BLTP1: variants seen among roughly 807,000 people sequenced by gnomAD.
BLTP1 encodes the protein bridge-like lipid transfer protein family member 1.
the BLTP1 span, chr4:122,256,959 T>A: frequency 6.0e-6 from 1 of 167,206 alleles, no homozygotes; most frequent in African/African-American, 2.4e-5. Flanking sequence ...TGAATGCTTC[T>A]TAAGGAAAAT....
the BLTP1 span, chr4:122,198,088 G>A: frequency 1.6e-4 from 154 of 985,296 alleles, 2 homozygotes; most frequent in South Asian, 6.1e-3. Flanking sequence ...TTTTGGTGCT[G>A]TAAGAGGAAA....
At chr4:122,209,626 C>T in the BLTP1 span, 1 of 415,800 alleles carries the variant, frequency 2.4e-6, no homozygotes, top group African/African-American at 2.2e-5. Flanking sequence ...GCTTGGGCAA[C>T]AGAGACCCCA....
chr4:122,325,378 A>G, the BLTP1 span: 1 of 1,535,574 alleles, frequency 6.5e-7, no homozygotes, highest in Admixed American at 2.0e-5. Flanking sequence ...TACAAATTAC[A>G]AAATTATGGT....
chr4:122,185,148 C>T, the BLTP1 span: 1 of 982,998 alleles, frequency 1.0e-6, no homozygotes, highest in Non-Finnish European at 1.2e-6. Context: ...TTATAAATTA[C>T]AGTAGATTAC....
chr4:122,182,700 A>G, the BLTP1 span: 2 of 985,144 alleles, frequency 2.0e-6, no homozygotes, highest in Non-Finnish European at 1.2e-6. Flanking sequence ...AATGTTCTGT[A>G]TCAAAGTTAG....
chr4:122,247,113 T>C, the BLTP1 span: 18 of 1,566,834 alleles, frequency 1.1e-5, no homozygotes, highest in Middle Eastern at 5.1e-4. Context: ...CTCTGAACTG[T>C]ATTATTTAAA....
At chr4:122,299,690 G>A in the BLTP1 span, 9 of 451,530 alleles carry the variant, frequency 2.0e-5, no homozygotes, top group Non-Finnish European at 2.6e-5. Flanking sequence ...ATGGGAAGAG[G>A]TAGTTGATAG....
the BLTP1 span, chr4:122,331,281 A>C: frequency 6.5e-7 from 1 of 1,549,934 alleles, no homozygotes; most frequent in South Asian, 1.2e-5. Context: ...GTTAAAAAGA[A>C]CTCTCATTTT....
At chr4:122,328,130 T>C in the BLTP1 span, 1 of 1,606,530 alleles carries the variant, frequency 6.2e-7, no homozygotes, top group Middle Eastern at 1.7e-4. Flanking sequence ...AACTGGACCT[T>C]TTGTCAGTAA....
the BLTP1 span, chr4:122,234,628 G>A: frequency 1.1e-6 from 1 of 903,000 alleles, no homozygotes; most frequent in Non-Finnish European, 1.6e-6. Context: ...AAACACAGTG[G>A]GAATAAACCT....
At chr4:122,246,250 A>G in the BLTP1 span, 7 of 1,608,224 alleles carry the variant, frequency 4.4e-6, no homozygotes, top group Non-Finnish European at 5.9e-6. Context: ...CAATGAAGCA[A>G]GATAATGTAA....
chr4:122,315,348 C>T, the BLTP1 span: 2 of 1,345,924 alleles, frequency 1.5e-6, no homozygotes, highest in Non-Finnish European at 2.0e-6. Context: ...ATGTTTCTGA[C>T]AAGTTTAGCA....
the BLTP1 span, chr4:122,237,150 C>T: frequency 1.0e-6 from 1 of 985,038 alleles, no homozygotes; most frequent in Non-Finnish European, 1.2e-6. Flanking sequence ...ACTAGAACTG[C>T]ATTCTGTTCA....
the BLTP1 span, chr4:122,281,889 A>G: frequency 1.3e-5 from 17 of 1,311,626 alleles, no homozygotes; most frequent in South Asian, 3.5e-4. Flanking sequence ...AATTTTGATT[A>G]TAACATTTAA....
chr4:122,190,887 GTA>G, the BLTP1 span, among the ~76,000 whole-genome samples: 6 of 152,098 alleles, frequency 3.9e-5, no homozygotes, highest in Non-Finnish European at 8.8e-5. Context: ...TAAGGTCAAA[GTA>G]TTTTGAAAGT....
the BLTP1 span, among the ~76,000 whole-genome samples, chr4:122,253,697 A>T: frequency 4.6e-5 from 7 of 152,202 alleles, no homozygotes; most frequent in Non-Finnish European, 8.8e-5. Flanking sequence ...ACTGGCCTTA[A>T]AGAGAAGGTA....
At chr4:122,353,791 A>G in the BLTP1 span, 1 of 1,599,712 alleles carries the variant, frequency 6.3e-7, no homozygotes, top group East Asian at 2.2e-5. This position sits in a 1 kb window ranked among gnomAD's most constrained non-coding sequence, Gnocchi z 4.3. Flanking sequence ...TTACTTTAAA[A>G]AAGTATTTTT....
the BLTP1 span, among the ~76,000 whole-genome samples, chr4:122,338,340 G>A: frequency 2.0e-3 from 299 of 152,088 alleles, 4 homozygotes; most frequent in East Asian, 0.043. Flanking sequence ...AGGCGTGATT[G>A]TATGTATCTG....
At chr4:122,315,813 T>C in the BLTP1 span, 1 of 813,734 alleles carries the variant, frequency 1.2e-6, no homozygotes, top group Non-Finnish European at 2.0e-6. Flanking sequence ...GGAATGGTGG[T>C]TCACTGTGTC....
Sources: gnomAD v4.1 joint callset for allele counts (sites outside exome capture counted in the v4.1 genomes callset) on GRCh38, gnomAD v4.1.1 for gene constraint, Gnocchi (gnomAD v3.1) non-coding constraint, MANE v1.5 for transcripts, NCBI Gene and HGNC (gene_info 2026-07-23, HGNC 2026-07-21) for gene names.